The following LRFN5 variants were observed in gnomAD, a reference collection of about 807,000 sequenced individuals.
LRFN5 encodes the protein leucine-rich repeat and fibronectin type-III domain-containing protein 5.
LRFN5 carries 24 observed loss-of-function variants against 45.6 expected under a neutral mutation model. That is an observed-to-expected ratio of 0.53 (90% CI 0.38 to 0.74). The LOEUF (loss-of-function observed/expected upper bound fraction) is 0.74, where lower values mean the gene tolerates loss of function less well. Ranked by LOEUF, LRFN5 falls within the 30% of genes least tolerant of loss-of-function variation. The pLI is 0.00. For synonymous variants in LRFN5, 340 were observed against 313.8 expected (o/e 1.08, Z -0.88); for missense variants, 776 against 861.5 (o/e 0.90, Z 1.24).
At chr14:41,772,531 A>G (rs1191036881) in intron 2 of LRFN5, among the ~76,000 whole-genome samples, 1 of 152,046 alleles carries the variant, frequency 6.6e-6, no homozygotes, top group African/African-American at 2.4e-5. Context: ...AGCAAATTAG[A>G]CATGCTATCT....
At position 41,606,920 on chromosome 14, in the gene LRFN5, C is replaced by T. The variant is rs1232369434; in HGVS notation, c.-1839C>T. Among the ~76,000 whole-genome samples the T allele has an allele frequency of 6.6e-6, 1 of 151,984 alleles. No individual in the cohort carries two copies. The highest frequency in any genetic ancestry group is 1.5e-5 in the Non-Finnish European group (1 of 67,964). ...TGCTGCAGCGCAGGGCTCAGTTCCA[C>T]GCGGCCAGGAGGCCGCCGTTGCCCA... On this transcript the variant is annotated 5_prime_UTR_variant, in exon 1 of 6. The change creates a new upstream start codon in the 5' untranslated region. Transcript: ENST00000298119.
chr14:41,816,252 C>T (rs926597993), intron 2 of LRFN5, among the ~76,000 whole-genome samples: 1 of 151,916 alleles, frequency 6.6e-6, no homozygotes, highest in Non-Finnish European at 1.5e-5. Flanking sequence ...TCATTCATTT[C>T]ACACACATAT....
intron 2 of LRFN5, among the ~76,000 whole-genome samples, chr14:41,821,144 A>C (rs1311943368): frequency 6.6e-6 from 1 of 151,828 alleles, no homozygotes; most frequent in Non-Finnish European, 1.5e-5. Flanking sequence ...TTCCAGTACA[A>C]TGTATAATAG....
intron 1 of LRFN5, among the ~76,000 whole-genome samples, chr14:41,609,005 G>A (rs780962791): frequency 2.6e-5 from 4 of 152,148 alleles, no homozygotes; most frequent in Non-Finnish European, 4.4e-5. Context: ...CTGGTGCCAG[G>A]TTGTTTTCCT....
intron 2 of LRFN5, among the ~76,000 whole-genome samples, chr14:41,791,589 T>A (rs1014175699): frequency 1.3e-5 from 2 of 152,120 alleles, no homozygotes; most frequent in African/African-American, 4.8e-5. Flanking sequence ...ATTTCAAGAC[T>A]GAATAGTACT....
intron 2 of LRFN5, among the ~76,000 whole-genome samples, chr14:41,817,863 A>G (rs183888138): frequency 1.5e-4 from 23 of 152,254 alleles, no homozygotes; most frequent in Admixed American, 7.9e-4. Context: ...TTTATCAGTC[A>G]TAACTGAGGT....
intron 2 of LRFN5, among the ~76,000 whole-genome samples, chr14:41,816,354 T>G (rs939365378): frequency 6.6e-6 from 1 of 152,108 alleles, no homozygotes; most frequent in African/African-American, 2.4e-5. Context: ...ATTAAAATTT[T>G]TATTTTATCT....
intron 2 of LRFN5, among the ~76,000 whole-genome samples, chr14:41,792,437 G>T (rs1269325228): frequency 1.3e-5 from 2 of 151,896 alleles, no homozygotes; most frequent in Non-Finnish European, 2.9e-5. Context: ...AAGCCTGAGG[G>T]TACTGCAGGA....
chr14:41,807,808 C>T (rs1046717653), intron 2 of LRFN5, among the ~76,000 whole-genome samples: 8 of 152,086 alleles, frequency 5.3e-5, no homozygotes, highest in Non-Finnish European at 8.8e-5. Context: ...GCCCCCACCC[C>T]TTTTATTTTT....
chr14:41,893,349 T>C, intron 4 of LRFN5: 1 of 947,748 alleles, frequency 1.1e-6, no homozygotes, highest in Non-Finnish European at 1.2e-6. Context: ...TTGATGGTGT[T>C]CTATTAAAGA....
intron 1 of LRFN5, among the ~76,000 whole-genome samples, chr14:41,635,960 A>G (rs1433771730): frequency 6.6e-6 from 1 of 152,140 alleles, no homozygotes; most frequent in Non-Finnish European, 1.5e-5. Context: ...CAGGATTGGA[A>G]CATTCTAGTC....
At chr14:41,761,979 G>C (rs1355126805) in intron 1 of LRFN5, among the ~76,000 whole-genome samples, 1 of 151,474 alleles carries the variant, frequency 6.6e-6, no homozygotes, top group Non-Finnish European at 1.5e-5. Flanking sequence ...ATACATTTTG[G>C]TTTTCACTGA....
chr14:41,746,778 G>A (rs748474509), intron 1 of LRFN5, among the ~76,000 whole-genome samples: 1 of 152,004 alleles, frequency 6.6e-6, no homozygotes, highest in Non-Finnish European at 1.5e-5. Flanking sequence ...GATCTCAGAT[G>A]ATATGATCTT....
At chr14:41,685,095 A>G (rs546176363) in intron 1 of LRFN5, among the ~76,000 whole-genome samples, 6 of 152,292 alleles carry the variant, frequency 3.9e-5, no homozygotes, top group East Asian at 1.9e-4. Flanking sequence ...CAGAACTACA[A>G]TGAGATACTA....
chr14:41,856,675 ATTT>A (rs1555326982), intron 2 of LRFN5, among the ~76,000 whole-genome samples: 1 of 18,328 alleles, frequency 5.5e-5, no homozygotes, highest in African/African-American at 1.3e-4. Flanking sequence ...TATTATTATT[ATTT>A]TTTTTTTTTT....
intron 2 of LRFN5, among the ~76,000 whole-genome samples, chr14:41,869,546 G>A (rs1237228453): frequency 6.6e-6 from 1 of 151,798 alleles, no homozygotes; most frequent in Non-Finnish European, 1.5e-5. Flanking sequence ...TTTAGTTTTA[G>A]TTTTTTACAT....
intron 2 of LRFN5, among the ~76,000 whole-genome samples, chr14:41,779,085 A>G (rs10129269): frequency 0.32 from 47,990 of 151,514 alleles, 9,558 homozygotes; most frequent in East Asian, 0.73. Context: ...TCTTGATTTT[A>G]GAGGGAAGGC....
chr14:41,900,113 T>G (rs1312458957), intron 5 of LRFN5, among the ~76,000 whole-genome samples: 6 of 152,090 alleles, frequency 3.9e-5, no homozygotes, highest in Non-Finnish European at 8.8e-5. Context: ...TTAAAGTTCA[T>G]TTATCATGTA....
chr14:41,691,294 A>AT (rs1381864223), intron 1 of LRFN5, among the ~76,000 whole-genome samples: 1 of 151,968 alleles, frequency 6.6e-6, no homozygotes, highest in Non-Finnish European at 1.5e-5. Flanking sequence ...ATTCCTTATA[A>AT]TTTAAATTTT....
Sources: gnomAD v4.1 joint callset for allele counts (sites outside exome capture counted in the v4.1 genomes callset) on GRCh38, gnomAD v4.1.1 for gene constraint, MANE v1.5 for transcripts, NCBI Gene and HGNC (gene_info 2026-07-23, HGNC 2026-07-21) for gene names.